Variants in MYMX observed in about 807,000 individuals in gnomAD.
MYMX encodes the protein protein myomixer.
upstream of MYMX, among the ~76,000 whole-genome samples, chr6:44,212,941 T>C (rs758194600): frequency 2.0e-5 from 3 of 151,608 alleles, no homozygotes; most frequent in Admixed American, 1.3e-4. Context: ...GGTGGGAGGA[T>C]GGCTTGGGCC....
At chr6:44,194,422 C>G in the MYMX span, among the ~76,000 whole-genome samples, 715 of 152,334 alleles carry the variant, frequency 4.7e-3, 5 homozygotes, top group African/African-American at 0.016. Flanking sequence ...TGGGCACCTG[C>G]AGTCCTTCTG....
chr6:44,200,206 C>A, the MYMX span, among the ~76,000 whole-genome samples: 1 of 152,012 alleles, frequency 6.6e-6, no homozygotes, highest in African/African-American at 2.4e-5. Flanking sequence ...CTTTACTGAC[C>A]ATTACCTTGC....
chr6:44,202,747 AG>A, the MYMX span, among the ~76,000 whole-genome samples: 823 of 152,198 alleles, frequency 5.4e-3, 7 homozygotes, highest in African/African-American at 0.019. Context: ...AGTTAATCCC[AG>A]GAAGAGTCAG....
the MYMX span, among the ~76,000 whole-genome samples, chr6:44,204,805 T>C: frequency 6.6e-6 from 1 of 152,324 alleles, no homozygotes; most frequent in South Asian, 2.1e-4. Context: ...TGGGGTCTTA[T>C]ATTTTTGTGG....
At chr6:44,201,248 G>C in the MYMX span, among the ~76,000 whole-genome samples, 1 of 152,174 alleles carries the variant, frequency 6.6e-6, no homozygotes, top group Non-Finnish European at 1.5e-5. Context: ...GTCCCAGGCA[G>C]AAAGGCACTG....
At chr6:44,206,333 G>T in the MYMX span, among the ~76,000 whole-genome samples, 2 of 152,112 alleles carry the variant, frequency 1.3e-5, no homozygotes, top group African/African-American at 2.4e-5. Context: ...CTGGGTTCAG[G>T]TGATTCTTGT....
In MYMX at chr6:44,218,075, G is replaced by A. The variant is rs1489214507; in HGVS notation, c.*349G>A. The A allele has an allele frequency of 9.9e-6, 2 of 202,700 alleles. No homozygotes were observed. Among genetic ancestry groups the A allele is most frequent in the African/African-American group, 2.3e-5 (1 of 43,572 alleles). The allele number at this position is 202,700 out of a possible 1,614,324, so 12.6% of individuals were successfully genotyped here. A position where few individuals can be genotyped will look rare whatever the true frequency, so the allele number is the denominator to read the frequency against. ...TCAAGGTTCCCAGTGCTTAACTGAG[G>A]GACAAGTGACAATTTAGCAGAGAGG... On this transcript the variant is annotated 3_prime_UTR_variant, in exon 2 of 2. Coordinates refer to ENST00000573382, the MANE Select transcript of MYMX (RefSeq NM_001315494.2).
At chr6:44,211,578 T>C in the MYMX span, among the ~76,000 whole-genome samples, 1 of 152,096 alleles carries the variant, frequency 6.6e-6, no homozygotes, top group African/African-American at 2.4e-5. Flanking sequence ...CAATGTATTA[T>C]ATATTTTGAG....
chr6:44,218,020 C>G lies in MYMX; in HGVS notation c.*294C>G, dbSNP rs1322042872. 1 of 284,388 alleles carries G rather than the reference C, an allele frequency of 3.5e-6. No homozygotes were observed. The allele number at this position is 284,388 out of a possible 1,614,324, so 17.6% of individuals were successfully genotyped here. A position where few individuals can be genotyped will look rare whatever the true frequency, so the allele number is the denominator to read the frequency against. On this transcript the variant is annotated 3_prime_UTR_variant, in exon 2 of 2. Transcript: ENST00000573382. Reference sequence around the variant, plus strand: ...AGGCGGGAGGGGAACTAACACCCACCCACCCCTGCCCTCCCTGCAAATGGG... The same window carrying G: ...AGGCGGGAGGGGAACTAACACCCACGCACCCCTGCCCTCCCTGCAAATGGG...
At chr6:44,194,496 C>A in the MYMX span, among the ~76,000 whole-genome samples, 89 of 152,276 alleles carry the variant, frequency 5.8e-4, no homozygotes, top group Middle Eastern at 3.4e-3. Flanking sequence ...GCAAGGTCAC[C>A]CCCAGCCTCC....
the MYMX span, among the ~76,000 whole-genome samples, chr6:44,196,044 G>A: frequency 6.6e-6 from 1 of 152,136 alleles, no homozygotes; most frequent in African/African-American, 2.4e-5. Context: ...CCAGGTTCAA[G>A]CGATTCCCCT....
At chr6:44,207,547 T>G in the MYMX span, among the ~76,000 whole-genome samples, 1 of 152,052 alleles carries the variant, frequency 6.6e-6, no homozygotes, top group African/African-American at 2.4e-5. Flanking sequence ...AAGATTTTTT[T>G]TTTTTTAGGA....
the MYMX span, among the ~76,000 whole-genome samples, chr6:44,204,360 T>C: frequency 0.01 from 1,567 of 152,254 alleles, 26 homozygotes; most frequent in South Asian, 0.017. Context: ...TGAAGCCACG[T>C]AGATTTCTGG....
the MYMX span, among the ~76,000 whole-genome samples, chr6:44,192,732 C>T: frequency 1.3e-5 from 2 of 152,188 alleles, no homozygotes; most frequent in African/African-American, 4.8e-5. Flanking sequence ...AAGCTCCACC[C>T]TCCAGGAAGC....
At chr6:44,200,572 C>T in the MYMX span, among the ~76,000 whole-genome samples, 1 of 152,202 alleles carries the variant, frequency 6.6e-6, no homozygotes, top group African/African-American at 2.4e-5. Flanking sequence ...GCCTCAGCCT[C>T]CCAAAGTGCT....
the MYMX span, among the ~76,000 whole-genome samples, chr6:44,208,090 TG>T: frequency 6.6e-6 from 1 of 151,848 alleles, no homozygotes; most frequent in African/African-American, 2.4e-5. Context: ...TATCCAGGCA[TG>T]GTGGCGTATG....
At position 44,217,575 on chromosome 6, in the gene MYMX, G is replaced by A. The variant is rs537150421; in HGVS notation, c.104G>A (p.Arg35Gln). ...CAATACCTCCTGCCCCTGCTGCGCC[G>A]ATTGGCCCGCCGCCTGGGCTCCCAG... ...ARQYLLPLLR[R>Q]LARRLGSQDM... Residue 35 changes from arginine (R) to glutamine (Q), a missense_variant, in exon 2 of 2, where the codon CGA becomes CAA. Coordinates refer to ENST00000573382, the MANE Select transcript of MYMX (RefSeq NM_001315494.2). The A allele has an allele frequency of 3.8e-3, 1,514 of 402,360 alleles. 14 individuals carry two copies. Among genetic ancestry groups the A allele is most frequent in the African/African-American group, 0.027 (1,322 of 48,844 alleles). 24.9% of individuals were successfully genotyped at this position (402,360 alleles called of 1,614,324 possible). A position where few individuals can be genotyped will look rare whatever the true frequency, so the allele number is the denominator to read the frequency against.
the MYMX span, among the ~76,000 whole-genome samples, chr6:44,195,942 C>CT: frequency 2.6e-5 from 4 of 151,794 alleles, no homozygotes; most frequent in African/African-American, 9.7e-5. Flanking sequence ...ATTTTGGTTT[C>CT]TTTTTTTCCT....
At chr6:44,203,434 T>C in the MYMX span, among the ~76,000 whole-genome samples, 4 of 152,232 alleles carry the variant, frequency 2.6e-5, no homozygotes, top group Non-Finnish European at 5.9e-5. Flanking sequence ...CTCTGTGGCC[T>C]GTCCTTTTTC....
Sources: allele counts gnomAD v4.1 joint callset (sites outside exome capture counted in the v4.1 genomes callset), GRCh38; gene constraint gnomAD v4.1.1; transcripts MANE v1.5; gene names NCBI Gene and HGNC (gene_info 2026-07-23, HGNC 2026-07-21).